ADAM22: variants seen among roughly 807,000 people sequenced by gnomAD.
ADAM22 encodes the protein ADAM metallopeptidase domain 22, also known as disintegrin and metalloproteinase domain-containing protein 22.
In ADAM22, 65 loss-of-function variants were observed where a neutral mutation model predicts 144.6. The observed-to-expected ratio is 0.45, with a 90% CI of 0.37 to 0.55. The LOEUF is 0.55. Ranked by LOEUF, ADAM22 falls within the 20% of genes least tolerant of loss-of-function variation. ADAM22 has a pLI of 0.00. For missense variants in ADAM22, 974 were observed against 1,184.9 expected (o/e 0.82, Z 2.61); for synonymous variants, 391 against 412.6 (o/e 0.95, Z 0.63).
chr7:88,042,424 CTT>C (rs58141739), intron 3 of ADAM22, among the ~76,000 whole-genome samples: 65,302 of 151,388 alleles, frequency 0.43, 15,004 homozygotes, highest in East Asian at 0.59. Flanking sequence ...CACTTAAAGA[CTT>C]AACTGTTTTG....
intron 12 of ADAM22, 27 bp from the exon 13 acceptor site, chr7:88,134,302 T>C: frequency 3.3e-6 from 5 of 1,534,742 alleles, no homozygotes; most frequent in Non-Finnish European, 4.5e-6. Context: ...GATTTACATA[T>C]ATTTTATTTT....
At chr7:88,033,478 C>T (rs1800775332) in intron 3 of ADAM22, among the ~76,000 whole-genome samples, 1 of 152,238 alleles carries the variant, frequency 6.6e-6, no homozygotes, top group Admixed American at 6.5e-5. Context: ...TCACTGGGAC[C>T]ACAGTGGTGG....
chr7:88,164,921 C>G (rs1201234857), intron 23 of ADAM22, among the ~76,000 whole-genome samples: 1 of 152,052 alleles, frequency 6.6e-6, no homozygotes, highest in African/African-American at 2.4e-5. Flanking sequence ...TGAATCAAAT[C>G]CAGGCCTTTT....
At chr7:88,121,078 A>C (rs1476483391) in intron 7 of ADAM22, among the ~76,000 whole-genome samples, 2 of 152,176 alleles carry the variant, frequency 1.3e-5, no homozygotes, top group African/African-American at 4.8e-5. Flanking sequence ...AAAAGTATGA[A>C]TATGAGTCTA....
chr7:88,149,162 C>A, intron 18 of ADAM22, 105 bp downstream of exon 18: 1 of 743,086 alleles, frequency 1.3e-6, no homozygotes, highest in Middle Eastern at 2.4e-4. Context: ...GCTCGTGTCT[C>A]TTTCACATCA....
chr7:88,164,610 G>A (rs185436696), intron 23 of ADAM22, among the ~76,000 whole-genome samples: 64 of 152,038 alleles, frequency 4.2e-4, no homozygotes, highest in African/African-American at 1.4e-3. Context: ...GGTAACATTG[G>A]GCAAATTTCT....
intron 7 of ADAM22, among the ~76,000 whole-genome samples, chr7:88,122,986 G>A (rs1829655204): frequency 6.6e-6 from 1 of 152,168 alleles, no homozygotes; most frequent in Non-Finnish European, 1.5e-5. Context: ...AAGAATAGGT[G>A]TTGAATTTTG....
chr7:88,145,524 G>T lies in ADAM22; in HGVS notation c.1485+17G>T. The T allele has an allele frequency of 1.3e-6, 2 of 1,590,178 alleles. No homozygotes were observed. The highest frequency in any genetic ancestry group is 2.2e-5 in the South Asian group (2 of 89,364). ...AAGTGCAAGGTAAATAAACATTAAT[G>T]ACCATTTGACAGAAAAAAAGGACAT... On this transcript the variant is annotated intron_variant, in intron 17 of 31. Transcript: ENST00000413139.
At chr7:88,195,368 T>C (rs903894181) in intron 31 of ADAM22, among the ~76,000 whole-genome samples, 1 of 152,124 alleles carries the variant, frequency 6.6e-6, no homozygotes, top group African/African-American at 2.4e-5. Context: ...TTGTAGAAAT[T>C]TGACCGGAAC....
chr7:87,982,593 TC>T (rs11333010), intron 3 of ADAM22, among the ~76,000 whole-genome samples: 10,708 of 146,974 alleles, frequency 0.073, 767 homozygotes, highest in East Asian at 0.3. Context: ...TATTGATTTT[TC>T]CCCACACTAT....
intron 2 of ADAM22, among the ~76,000 whole-genome samples, chr7:87,949,175 G>A (rs2131366837): frequency 6.6e-6 from 1 of 152,256 alleles, no homozygotes; most frequent in African/African-American, 2.4e-5. Flanking sequence ...CAGAGCCAGG[G>A]CCTGTGTTGG....
At chr7:88,004,730 C>A (rs1316715920) in intron 3 of ADAM22, among the ~76,000 whole-genome samples, 3 of 152,106 alleles carry the variant, frequency 2.0e-5, no homozygotes, top group Non-Finnish European at 2.9e-5. Context: ...TTTGGGAAAA[C>A]CTCTGTCATA....
At chr7:88,047,926 CA>C (rs1220925025) in intron 3 of ADAM22, among the ~76,000 whole-genome samples, 16 of 151,752 alleles carry the variant, frequency 1.1e-4, no homozygotes, top group African/African-American at 3.9e-4. Flanking sequence ...AAGTGAAATA[CA>C]TTTTTTAAAA....
chr7:88,193,310 A>C (rs1039448616), intron 31 of ADAM22, 71 bp downstream of exon 31: 10 of 1,496,094 alleles, frequency 6.7e-6, no homozygotes, highest in Non-Finnish European at 8.1e-6. Flanking sequence ...TATATTTTAA[A>C]AGAGAGAACC....
At chr7:88,036,159 A>C (rs187153817) in intron 3 of ADAM22, among the ~76,000 whole-genome samples, 3 of 152,314 alleles carry the variant, frequency 2.0e-5, no homozygotes, top group East Asian at 3.9e-4. Context: ...TAATCTCTGC[A>C]TGGGTATTTA....
chr7:88,060,181 T>G (rs983041705), intron 3 of ADAM22, among the ~76,000 whole-genome samples: 4 of 152,204 alleles, frequency 2.6e-5, no homozygotes, highest in Admixed American at 2.0e-4. Context: ...CTTGCCTCAG[T>G]GTTGATGGCT....
rs183268658 is a variant in ADAM22 at position 87,971,426 on chromosome 7, C to T, written c.247-6910C>T. 3.1e-4 allele frequency among the ~76,000 whole-genome samples: 47 copies of T among 152,236 alleles called. 1 individual carries two copies. Among genetic ancestry groups the T allele is most frequent in the Admixed American group, 1.6e-3 (24 of 15,282 alleles). On this transcript the variant is annotated intron_variant, in intron 2 of 31. Transcript: ENST00000413139. ...TATGTGACTTTGGAAGTGACTTTTGCCCACACTGGCCTCAGTGTCCCTAGT... is the reference window on the plus strand; with the variant it reads ...TATGTGACTTTGGAAGTGACTTTTGTCCACACTGGCCTCAGTGTCCCTAGT...
intron 30 of ADAM22, among the ~76,000 whole-genome samples, chr7:88,187,767 C>T (rs995701025): frequency 6.6e-6 from 1 of 152,170 alleles, no homozygotes; most frequent in East Asian, 1.9e-4. Flanking sequence ...AAGGTGGACT[C>T]TCTCTTCCAG....
intron 3 of ADAM22, among the ~76,000 whole-genome samples, chr7:88,010,126 G>A (rs1052644139): frequency 3.3e-5 from 5 of 151,872 alleles, no homozygotes; most frequent in African/African-American, 1.2e-4. Context: ...AGGCTCTTAG[G>A]TTCTTGGTGA....
Sources: allele counts gnomAD v4.1 joint callset (sites outside exome capture counted in the v4.1 genomes callset), GRCh38; gene constraint gnomAD v4.1.1; transcripts MANE v1.5; gene names NCBI Gene and HGNC (gene_info 2026-07-23, HGNC 2026-07-21).